Variants in CARMIL1 observed in about 807,000 individuals in gnomAD.
CARMIL1 encodes the protein F-actin-uncapping protein LRRC16A.
In CARMIL1, 90 loss-of-function variants were observed where a neutral mutation model predicts 177.1. The observed-to-expected ratio is 0.51, with a 90% CI of 0.43 to 0.61. The LOEUF (loss-of-function observed/expected upper bound fraction) is 0.61. CARMIL1 is among the 20% of genes least tolerant of loss of function. CARMIL1 has a pLI of 0.00. For missense variants in CARMIL1, 1,380 were observed against 1,667.0 expected (o/e 0.83, Z 3.00); for synonymous variants, 577 against 606.2 (o/e 0.95, Z 0.71).
chr6:25,479,611 C>A (rs1194102519), intron 11 of CARMIL1, among the ~76,000 whole-genome samples: 1 of 152,122 alleles, frequency 6.6e-6, no homozygotes, highest in Non-Finnish European at 1.5e-5. Context: ...AAAGAACCAA[C>A]TTTGTTAAAT....
chr6:25,407,347 T>C (rs1167199252), intron 2 of CARMIL1, among the ~76,000 whole-genome samples: 1 of 151,870 alleles, frequency 6.6e-6, no homozygotes, highest in Non-Finnish European at 1.5e-5. Flanking sequence ...ATTTAGTTGC[T>C]TAAGGTTCCT....
chr6:25,542,242 C>A (rs1165020899), intron 26 of CARMIL1, among the ~76,000 whole-genome samples: 1 of 152,126 alleles, frequency 6.6e-6, no homozygotes. Context: ...TGTTCGTTTC[C>A]TTCTCATTGC....
chr6:25,379,768 T>A (rs1342203307), intron 2 of CARMIL1, among the ~76,000 whole-genome samples: 1 of 152,210 alleles, frequency 6.6e-6, no homozygotes, highest in African/African-American at 2.4e-5. Context: ...GAATAGCCTT[T>A]TAGCCTGGTT....
intron 2 of CARMIL1, among the ~76,000 whole-genome samples, chr6:25,334,294 C>T (rs554842689): frequency 6.6e-6 from 1 of 152,314 alleles, no homozygotes; most frequent in Non-Finnish European, 1.5e-5. Context: ...AAAATATATT[C>T]GGATTCACTT....
chr6:25,376,336 T>C (rs1790976426), intron 2 of CARMIL1, among the ~76,000 whole-genome samples: 2 of 152,232 alleles, frequency 1.3e-5, no homozygotes, highest in African/African-American at 4.8e-5. Flanking sequence ...TGCCTCAGCC[T>C]CCCAAAGTGC....
chr6:25,396,487 G>A (rs901309475), intron 2 of CARMIL1, among the ~76,000 whole-genome samples: 2 of 151,002 alleles, frequency 1.3e-5, no homozygotes, highest in Non-Finnish European at 2.9e-5. Flanking sequence ...TCAGCCTCCC[G>A]AGTAGCTGGG....
intron 2 of CARMIL1, among the ~76,000 whole-genome samples, chr6:25,341,595 G>A (rs1786949547): frequency 6.6e-6 from 1 of 152,220 alleles, no homozygotes; most frequent in Non-Finnish European, 1.5e-5. Flanking sequence ...GCACACGCCT[G>A]TAGTCCCAGC....
At chr6:25,595,445 T>G (rs184323633) in intron 32 of CARMIL1, among the ~76,000 whole-genome samples, 17 of 152,304 alleles carry the variant, frequency 1.1e-4, no homozygotes, top group Middle Eastern at 3.4e-3. Context: ...CAATGTAACT[T>G]ACTGAATCTT....
At chr6:25,303,620 G>C (rs1783037757) in intron 2 of CARMIL1, among the ~76,000 whole-genome samples, 1 of 152,232 alleles carries the variant, frequency 6.6e-6, no homozygotes, top group African/African-American at 2.4e-5. Context: ...GGAACTTGGA[G>C]AAAAGCTGAC....
At chr6:25,431,270 G>GTC (rs200279040) in intron 4 of CARMIL1, among the ~76,000 whole-genome samples, 15,094 of 151,540 alleles carry the variant, frequency 0.1, 1,126 homozygotes, top group East Asian at 0.3. Flanking sequence ...GAAAGTGTGT[G>GTC]TGTGTGTGTG....
intron 2 of CARMIL1, among the ~76,000 whole-genome samples, chr6:25,351,895 A>AGGGG (rs1439712545): frequency 2.8e-4 from 42 of 152,184 alleles, no homozygotes; most frequent in Non-Finnish European, 5.4e-4. Context: ...TCTCTGTGCT[A>AGGGG]GGAGTTAAGT....
At chr6:25,582,204 C>G (rs1350946337) in intron 31 of CARMIL1, among the ~76,000 whole-genome samples, 1 of 152,190 alleles carries the variant, frequency 6.6e-6, no homozygotes, top group Non-Finnish European at 1.5e-5. Context: ...CCTGTGGACT[C>G]TTCAGCTGTC....
At chr6:25,604,948 C>A in intron 34 of CARMIL1, 55 bp downstream of exon 34, 1 of 1,393,472 alleles carries the variant, frequency 7.2e-7, no homozygotes, top group Non-Finnish European at 9.9e-7. Context: ...CTTCTGATTG[C>A]AGAGTCACAT....
At chr6:25,602,696 A>AT (rs1202475849) in intron 33 of CARMIL1, among the ~76,000 whole-genome samples, 1 of 152,096 alleles carries the variant, frequency 6.6e-6, no homozygotes, top group Non-Finnish European at 1.5e-5. Flanking sequence ...GCTTTAGAAC[A>AT]TTTTTTTTCT....
chr6:25,592,788 A>G (rs975892498), intron 31 of CARMIL1, among the ~76,000 whole-genome samples: 3 of 152,342 alleles, frequency 2.0e-5, no homozygotes, highest in South Asian at 2.1e-4. Flanking sequence ...CCACCGCTCT[A>G]TGGCAAGACA....
At chr6:25,294,915 G>T (rs1782271340) in intron 2 of CARMIL1, among the ~76,000 whole-genome samples, 1 of 152,184 alleles carries the variant, frequency 6.6e-6, no homozygotes, top group Non-Finnish European at 1.5e-5. Flanking sequence ...CCTGTGGATT[G>T]TGCCTTTTGA....
intron 2 of CARMIL1, among the ~76,000 whole-genome samples, chr6:25,327,175 T>G (rs1010733357): frequency 6.6e-6 from 1 of 151,484 alleles, no homozygotes; most frequent in Admixed American, 6.6e-5. Flanking sequence ...AGGAGAGAGA[T>G]AGCAAGGAGA....
intron 32 of CARMIL1, among the ~76,000 whole-genome samples, chr6:25,594,817 T>C (rs377540611): frequency 1.1e-4 from 17 of 152,270 alleles, no homozygotes; most frequent in African/African-American, 3.9e-4. Context: ...CATGCTCCAG[T>C]TTGAGACCTA....
chr6:25,486,947 G>T (rs1243307043), intron 12 of CARMIL1, among the ~76,000 whole-genome samples: 2 of 151,360 alleles, frequency 1.3e-5, no homozygotes, highest in African/African-American at 4.9e-5. Flanking sequence ...ATTTTTGAGG[G>T]TAAAAAAAAA....
Sources: allele counts gnomAD v4.1 joint callset (sites outside exome capture counted in the v4.1 genomes callset), GRCh38; gene constraint gnomAD v4.1.1; transcripts MANE v1.5; gene names NCBI Gene and HGNC (gene_info 2026-07-23, HGNC 2026-07-21).